The following CLTB variants were observed in gnomAD, a reference collection of about 807,000 sequenced individuals.
The protein encoded by CLTB is clathrin, light chain (Lcb).
In CLTB, 10 loss-of-function variants were observed where a neutral mutation model predicts 30.5. That is an observed-to-expected ratio of 0.33 (90% CI 0.20 to 0.56). The LOEUF is 0.56. CLTB is among the 20% of genes least tolerant of loss of function. The pLI is 0.91. For synonymous variants in CLTB, 102 were observed against 120.3 expected (o/e 0.85, Z 1.00); for missense variants, 261 against 308.3 (o/e 0.85, Z 1.15).
chr5:176,401,772 T>C (rs1756830410), intron 2 of CLTB: 1 of 456,116 alleles, frequency 2.2e-6, no homozygotes, highest in African/African-American at 2.0e-5. Context: ...CACTGAACAA[T>C]TTCCCGAGGG....
intron 2 of CLTB, among the ~76,000 whole-genome samples, chr5:176,400,203 A>G (rs992668326): frequency 3.9e-5 from 6 of 152,058 alleles, no homozygotes; most frequent in Non-Finnish European, 5.9e-5. Flanking sequence ...ATCTCAAAAA[A>G]AAAAAGAAAG....
At chr5:176,408,280 T>A (rs1757238605) in intron 2 of CLTB, among the ~76,000 whole-genome samples, 1 of 151,338 alleles carries the variant, frequency 6.6e-6, no homozygotes, top group South Asian at 2.1e-4. Context: ...GTGCCTGTAA[T>A]CCCAGCACTT....
chr5:176,396,712 G>T (rs1210439918), intron 4 of CLTB, among the ~76,000 whole-genome samples, 180 bp from the exon 5 acceptor site: 1 of 152,012 alleles, frequency 6.6e-6, no homozygotes, highest in African/African-American at 2.4e-5. Flanking sequence ...AGGAGAATGG[G>T]GACCTTCACC....
intron 2 of CLTB, among the ~76,000 whole-genome samples, chr5:176,399,145 A>C (rs1215044016): frequency 6.6e-6 from 1 of 151,996 alleles, no homozygotes; most frequent in Non-Finnish European, 1.5e-5. Context: ...TGACCAGCCC[A>C]AAAGGACCTT....
chr5:176,395,062 C>G (rs1756455360), intron 5 of CLTB, among the ~76,000 whole-genome samples: 1 of 152,058 alleles, frequency 6.6e-6, no homozygotes, highest in Non-Finnish European at 1.5e-5. Flanking sequence ...CCAAGCCAAC[C>G]ACCTCCCAGC....
chr5:176,395,512 C>T (rs1000856645), intron 5 of CLTB, among the ~76,000 whole-genome samples: 4 of 152,226 alleles, frequency 2.6e-5, no homozygotes, highest in South Asian at 2.1e-4. Flanking sequence ...CGACACATGA[C>T]GGGCTGCCAG....
At chr5:176,394,170 G>A (rs888242886) in intron 5 of CLTB, among the ~76,000 whole-genome samples, 7 of 152,344 alleles carry the variant, frequency 4.6e-5, no homozygotes, top group South Asian at 4.1e-4. Flanking sequence ...GGAGCTGGGT[G>A]GCAAGTGGGG....
chr5:176,406,356 G>A (rs977321692), intron 2 of CLTB: 2 of 1,117,108 alleles, frequency 1.8e-6, no homozygotes, highest in Non-Finnish European at 2.2e-6. Flanking sequence ...CTCTCCTGAG[G>A]GGCCCCTCTG....
At chr5:176,397,088 G>A (rs1411850233) in intron 4 of CLTB, among the ~76,000 whole-genome samples, 2 of 152,108 alleles carry the variant, frequency 1.3e-5, no homozygotes, top group Admixed American at 6.5e-5. Context: ...AGTTGAACAT[G>A]TGTGTTTTTC....
chr5:176,393,509 T>A lies in CLTB; in HGVS notation c.519-564A>T, dbSNP rs1044021342. ...GGAAAACCCAGCTAAAGAGGATCTT[T>A]ACAGCAAGACTTTCAAAGCCTTTCA... On this transcript the variant is annotated intron_variant, in intron 5 of 5. Transcript: ENST00000310418. This position sits in a 1 kb window ranked among gnomAD's most constrained non-coding sequence, Gnocchi z 4.4. 6.6e-6 allele frequency among the ~76,000 whole-genome samples: 1 copy of A among 152,232 alleles called. No homozygotes were observed. Among genetic ancestry groups the A allele is most frequent in the Non-Finnish European group, 1.5e-5 (1 of 68,038 alleles).
intron 2 of CLTB, chr5:176,406,410 G>A (rs1304093954): frequency 1.7e-6 from 2 of 1,162,552 alleles, no homozygotes; most frequent in Non-Finnish European, 2.2e-6. Context: ...CACCAGCCAA[G>A]CGTGTGCTGC....
chr5:176,400,802 G>A (rs1389824545), intron 2 of CLTB, among the ~76,000 whole-genome samples: 1 of 152,072 alleles, frequency 6.6e-6, no homozygotes, highest in African/African-American at 2.4e-5. Flanking sequence ...GTCCTACGGC[G>A]CCCACCTATC....
At chr5:176,398,163 C>A (rs1756643520) in intron 2 of CLTB, 116 bp from the exon 3 acceptor site, 1 of 845,174 alleles carries the variant, frequency 1.2e-6, no homozygotes, top group East Asian at 2.5e-5. Context: ...AACCTCATAC[C>A]CACTGTCTCT....
intron 1 of CLTB, 121 bp downstream of exon 1, chr5:176,416,056 C>G: frequency 1.1e-6 from 1 of 883,156 alleles, no homozygotes; most frequent in South Asian, 2.0e-5. Flanking sequence ...TTCTTCCCCA[C>G]GTCTCCCAGC....
chr5:176,396,873 C>T (rs531131993), intron 4 of CLTB, among the ~76,000 whole-genome samples: 50 of 152,104 alleles, frequency 3.3e-4, no homozygotes, highest in Non-Finnish European at 7.1e-4. Context: ...TCTCTCCCAC[C>T]GCTCCCTGGC....
At chr5:176,400,068 G>A (rs1329398073) in intron 2 of CLTB, among the ~76,000 whole-genome samples, 1 of 151,720 alleles carries the variant, frequency 6.6e-6, no homozygotes, top group Non-Finnish European at 1.5e-5. Context: ...GCCCGCACCT[G>A]TAATCCCACC....
intron 2 of CLTB, among the ~76,000 whole-genome samples, chr5:176,408,117 G>C (rs190066691): frequency 6.6e-6 from 1 of 152,254 alleles, no homozygotes; most frequent in East Asian, 1.9e-4. Context: ...TCTGTGGTCT[G>C]AGTTCCCTCA....
chr5:176,412,086 GA>G (rs1400198932), intron 1 of CLTB, among the ~76,000 whole-genome samples: 1 of 149,824 alleles, frequency 6.7e-6, no homozygotes, highest in Non-Finnish European at 1.5e-5. Flanking sequence ...TGAGGCAGGA[GA>G]ATGGTGTGAA....
intron 1 of CLTB, among the ~76,000 whole-genome samples, chr5:176,415,065 C>T (rs1757628163): frequency 6.6e-6 from 1 of 152,106 alleles, no homozygotes; most frequent in Admixed American, 6.5e-5. Flanking sequence ...TTGGATGTAC[C>T]CATGAAGGTG....
Sources: allele counts gnomAD v4.1 joint callset (sites outside exome capture counted in the v4.1 genomes callset), GRCh38; gene constraint gnomAD v4.1.1; non-coding constraint Gnocchi (gnomAD v3.1); transcripts MANE v1.5; gene names NCBI Gene and HGNC (gene_info 2026-07-23, HGNC 2026-07-21).